Variants in RRM2 observed in about 807,000 individuals in gnomAD.
The protein encoded by RRM2 is ribonucleotide reductase regulatory subunit M2.
RRM2 carries 6 observed loss-of-function variants against 45.9 expected under a neutral mutation model. That is an observed-to-expected ratio of 0.13 (90% confidence interval 0.07 to 0.26). The LOEUF is 0.26. Ranked by LOEUF, RRM2 falls within the 10% of genes least tolerant of loss-of-function variation. The pLI, the probability that RRM2 is intolerant of heterozygous loss-of-function variation, is 1.00. For synonymous variants in RRM2, 177 were observed against 173.0 expected, an observed-to-expected ratio of 1.02 and a Z score of -0.18; for missense variants, 343 against 489.5, an observed-to-expected ratio of 0.70 and a Z score of 2.82.
intron 3 of RRM2, among the ~76,000 whole-genome samples, chr2:10,159,697 G>A (rs190238260): frequency 3.9e-5 from 6 of 152,328 alleles, no homozygotes; most frequent in Non-Finnish European, 7.4e-5. Context: ...TTTATTGGCC[G>A]CTGTATTGTG....
chr2:10,207,202 C>T (rs1664679571), intron 3 of RRM2, among the ~76,000 whole-genome samples: 1 of 152,136 alleles, frequency 6.6e-6, no homozygotes, highest in Admixed American at 6.5e-5. Flanking sequence ...TTCTCCCTCA[C>T]CTCCCCCATA....
At chr2:10,194,804 C>T (rs185855504) in intron 3 of RRM2, among the ~76,000 whole-genome samples, 1 of 152,374 alleles carries the variant, frequency 6.6e-6, no homozygotes, top group East Asian at 1.9e-4. Context: ...CCCCTGCGTC[C>T]TCATCTGTCA....
chr2:10,158,186 A>C (rs1338824823), intron 3 of RRM2, among the ~76,000 whole-genome samples: 4 of 152,184 alleles, frequency 2.6e-5, no homozygotes, highest in Non-Finnish European at 5.9e-5. Context: ...CAGGTCATTT[A>C]ACTCTTCTGA....
At chr2:10,146,656 C>T (rs980830303) in intron 3 of RRM2, among the ~76,000 whole-genome samples, 4 of 144,808 alleles carry the variant, frequency 2.8e-5, no homozygotes, top group African/African-American at 1.0e-4. Context: ...GCTTGGAGGG[C>T]GCAGGAGAGC....
chr2:10,140,116 G>A (rs954945099), upstream of RRM2, among the ~76,000 whole-genome samples: 11 of 151,912 alleles, frequency 7.2e-5, no homozygotes, highest in Admixed American at 1.3e-4. Flanking sequence ...GCGTGGTGGC[G>A]GGCACCTGTA....
At position 10,130,000 on chromosome 2, in the gene RRM2, TAGTC is replaced by T. The variant is rs1283557335; in HGVS notation, c.*618_*621del. 6.6e-6 allele frequency: 1 copy of T among 152,286 alleles called. No homozygotes were observed. Among genetic ancestry groups the T allele is most frequent in the Non-Finnish European group, 1.5e-5 (1 of 68,084 alleles). The allele number at this position is 152,286 out of a possible 1,614,324, so 9.4% of individuals were successfully genotyped here. On this transcript the variant is annotated 3_prime_UTR_variant, in exon 10 of 10. Transcript: ENST00000304567. This position sits in a 1 kb window ranked among gnomAD's most constrained non-coding sequence, Gnocchi z 4.8. ...GTCAGTCCTGTGTATACCTAGATATTAGTCAGTTGGTGCCAGATAGAAGACAGGT... is the reference window on the plus strand; with the variant it reads ...GTCAGTCCTGTGTATACCTAGATATTAGTTGGTGCCAGATAGAAGACAGGT...
At chr2:10,142,551 A>AG (rs1259438208) in intron 3 of RRM2, among the ~76,000 whole-genome samples, 22 of 494 alleles carry the variant, frequency 0.045, no homozygotes, top group African/African-American at 0.13. Flanking sequence ...CAGGCGGGGG[A>AG]GCTTCGCCCT....
intron 3 of RRM2, among the ~76,000 whole-genome samples, chr2:10,208,968 A>T (rs925150397): frequency 1.3e-5 from 2 of 151,074 alleles, no homozygotes; most frequent in Admixed American, 1.3e-4. Flanking sequence ...GCCTGTTCAG[A>T]CCTGTCCTGT....
downstream of RRM2, among the ~76,000 whole-genome samples, chr2:10,132,440 C>T (rs1214220976): frequency 6.6e-6 from 1 of 152,100 alleles, no homozygotes; most frequent in East Asian, 1.9e-4. Flanking sequence ...GTGGAGGGGA[C>T]TGGGACTAGT....
chr2:10,130,439 T>G lies in RRM2; in HGVS notation c.*1053T>G, dbSNP rs190501818. 3.3e-5 allele frequency: 5 copies of G among 152,288 alleles called. No individual in the cohort carries two copies. In the East Asian group the frequency reaches 9.6e-4, roughly 29 times the overall value. The allele number at this position is 152,288 out of a possible 1,614,324, so 9.4% of individuals were successfully genotyped here. ...TTAATTCATTTATATTTACTATGTC[T>G]GTTAAATCAGAAATTTTTTATTATC... On this transcript the variant is annotated 3_prime_UTR_variant, in exon 10 of 10. Transcript: ENST00000304567.
chr2:10,182,336 A>G (rs1310002943), intron 3 of RRM2, among the ~76,000 whole-genome samples: 1 of 151,516 alleles, frequency 6.6e-6, no homozygotes. Context: ...ACAGAGGAAG[A>G]CTCTGTCTCA....
intron 3 of RRM2, among the ~76,000 whole-genome samples, chr2:10,200,677 CTGCGCGCACAAATTATGAGTCCCACGGGG>C (rs1664546377): frequency 7.6e-6 from 1 of 132,434 alleles, no homozygotes; most frequent in African/African-American, 2.8e-5. Context: ...CCCACAGGGA[CTGCGCGCACAAATTATGAGTCCCACGGGG>C]ACCGCGCACA....
chr2:10,142,015 G>A, intron 2 of RRM2: 10 of 1,577,328 alleles, frequency 6.3e-6, no homozygotes, highest in South Asian at 1.1e-5. Context: ...GGCGGGCTAT[G>A]CCCCTTGCTC....
rs1386257156 is a variant in RRM2, at chr2:10,199,792, A to ACAAAAAAAC, written n.483-10519_483-10518insCAAAAAAAC. Among the ~76,000 whole-genome samples the ACAAAAAAAC allele has an allele frequency of 2.7e-4, 31 of 113,274 alleles. 1 individual carries two copies. The highest frequency in any genetic ancestry group is 5.3e-3 in the Middle Eastern group (1 of 190). 74.3% of individuals were successfully genotyped at this position (113,274 alleles called of 152,430 possible). A position where few individuals can be genotyped will look rare whatever the true frequency, so the allele number is the denominator to read the frequency against. On this transcript the variant is annotated intron_variant and non_coding_transcript_variant, in intron 3 of 3. Coordinates refer to the RRM2 transcript ENST00000381786. ...GAGACTCAGTCTCAAAAAAAAAAAA[A>ACAAAAAAAC]AAAAAAAAAAAAAAAAACAAATCAT...
chr2:10,124,128 G>C, intron 4 of RRM2: 1 of 315,694 alleles, frequency 3.2e-6, no homozygotes, highest in Non-Finnish European at 5.8e-6. Flanking sequence ...TTTTTTTTGA[G>C]ACAGAGTCTC....
intron 3 of RRM2, among the ~76,000 whole-genome samples, chr2:10,188,239 C>A (rs1223644254): frequency 6.6e-6 from 1 of 152,202 alleles, no homozygotes; most frequent in African/African-American, 2.4e-5. Flanking sequence ...CCCTCGGTGT[C>A]TGTCAGCTCG....
At chr2:10,175,692 G>A (rs943421632) in intron 3 of RRM2, among the ~76,000 whole-genome samples, 1 of 152,150 alleles carries the variant, frequency 6.6e-6, no homozygotes, top group South Asian at 2.1e-4. Context: ...CCGCCTCCCC[G>A]GTTCAAGTGA....
At chr2:10,145,868 TGAGCCAG>T (rs1417898358) in intron 3 of RRM2, 1 of 152,224 alleles carries the variant, frequency 6.6e-6, no homozygotes, top group Non-Finnish European at 1.5e-5. Context: ...CAAAGCCCAT[TGAGCCAG>T]GAGCCAGGGA....
upstream of RRM2, among the ~76,000 whole-genome samples, chr2:10,138,646 C>T (rs1373016915): frequency 6.6e-6 from 1 of 152,200 alleles, no homozygotes; most frequent in Non-Finnish European, 1.5e-5. Context: ...AGCCAGTTCT[C>T]ACTGCTTATG....
Sources: gnomAD v4.1 joint callset for allele counts (sites outside exome capture counted in the v4.1 genomes callset) on GRCh38, gnomAD v4.1.1 for gene constraint, Gnocchi (gnomAD v3.1) non-coding constraint, MANE v1.5 for transcripts, NCBI Gene and HGNC (gene_info 2026-07-23, HGNC 2026-07-21) for gene names.